Variants in MELTF observed in about 807,000 individuals in gnomAD.
MELTF encodes the protein melanotransferrin.
Under a neutral mutation model 83.7 loss-of-function variants are expected in MELTF, and 67 were observed. That is an observed-to-expected ratio of 0.80 (90% CI 0.66 to 0.98). MELTF has a LOEUF of 0.98. MELTF is among the 50% of genes least tolerant of loss of function. The probability of loss-of-function intolerance (pLI) is 0.00; values close to 1 mark genes in which losing one functional copy is unlikely to be tolerated. For missense variants in MELTF, 1,002 were observed against 1,035.6 expected (o/e 0.97, Z 0.44); for synonymous variants, 462 against 447.6 (o/e 1.03, Z -0.41).
rs1719412359 is a variant in MELTF at position 197,017,183 on chromosome 3, C to G, written c.820G>C (p.Ala274Pro). 1.2e-6 allele frequency: 2 copies of G among 1,607,810 alleles called. No homozygotes were observed. The highest frequency in any genetic ancestry group is 1.7e-6 in the Non-Finnish European group (2 of 1,178,158). Residue 274 changes from alanine (A) to proline (P), a missense_variant, in exon 7 of 16, where the codon GCC (alanine) becomes CCC (proline). Ala to Pro is a conservative substitution (Grantham distance 27). Coordinates refer to ENST00000296350, the MANE Select transcript of MELTF (RefSeq NM_005929.6). ...ACCACGGCGTGAGCAGGCACCCGGG[C>G]CAGATGGCACTGCCTCCACTCGGTG... ...DVTEWRQCHL[A>P]RVPAHAVVVR...
At chr3:197,021,769 G>A (rs1046318136) in intron 5 of MELTF, among the ~76,000 whole-genome samples, 3 of 152,232 alleles carry the variant, frequency 2.0e-5, no homozygotes, top group African/African-American at 4.8e-5. Flanking sequence ...GCTCAGGCCT[G>A]TAGGGAGCAG....
At chr3:197,021,622 G>C (rs1560221173) in intron 5 of MELTF, 151 bp from the exon 6 acceptor site, 2 of 692,780 alleles carry the variant, frequency 2.9e-6, no homozygotes, top group African/African-American at 1.8e-5. Context: ...CTGGCTGGTC[G>C]GCTGTGTGCC....
rs1360118460 is a variant in MELTF, at chr3:197,024,160, G to A, written c.487+143C>T. The A allele has an allele frequency of 4.6e-5, 39 of 856,052 alleles. No homozygotes were observed. In the Admixed American group the frequency reaches 8.1e-4, roughly 18 times the overall value. The allele number at this position is 856,052 out of a possible 1,614,324, so 53.0% of individuals were successfully genotyped here. A position where few individuals can be genotyped will look rare whatever the true frequency, so the allele number is the denominator to read the frequency against. On this transcript the variant is annotated intron_variant, in intron 4 of 15. Transcript: ENST00000296350. The surrounding 1 kb of genome is among the most constrained non-coding windows in gnomAD (Gnocchi z 5.3). ...GGCAGAGTGGAGGCGGGGGAGGCAC[G>A]GGGCGGGCGGGGGCTGCTGCGCCTT...
chr3:197,021,304 C>T, intron 6 of MELTF, 100 bp downstream of exon 6: 3 of 1,121,604 alleles, frequency 2.7e-6, no homozygotes, highest in South Asian at 1.3e-5. Flanking sequence ...CAGCACTGCA[C>T]TAGGGCGTTT....
chr3:197,019,213 G>T, intron 6 of MELTF: 1 of 1,002,160 alleles, frequency 1.0e-6, no homozygotes, highest in Non-Finnish European at 1.2e-6. Context: ...CTGTTTTTCG[G>T]CGGCTGCAAA....
rs371239828 is a variant in MELTF at position 197,008,802 on chromosome 3, C to T, written c.1682+7G>A. The T allele has an allele frequency of 1.1e-5, 18 of 1,613,898 alleles. No individual in the cohort carries two copies. The highest frequency in any genetic ancestry group is 3.3e-5 in the South Asian group (3 of 91,070). On this transcript the variant is annotated splice_region_variant and intron_variant, in intron 12 of 15. Transcript: ENST00000296350. The surrounding 1 kb of genome is among the most constrained non-coding windows in gnomAD (Gnocchi z 5.4). ...CACAGCCCCAGACTGCCAGGCCACC[C>T]GGGTACCTGAAGGCGCCGCGGTAGC...
chr3:197,010,132 G>A (rs1265454569), intron 10 of MELTF, among the ~76,000 whole-genome samples: 1 of 152,240 alleles, frequency 6.6e-6, no homozygotes, highest in Non-Finnish European at 1.5e-5. Context: ...GGAAAGTGGA[G>A]GCGCAGCTGA....
At position 197,015,429 on chromosome 3, in the gene MELTF, C is replaced by A; in HGVS notation, c.1169G>T (p.Arg390Leu). Residue 390 changes from arginine to leucine, a missense_variant, in exon 9 of 16, where the codon CGG (arginine) becomes CTG (leucine). Coordinates refer to ENST00000296350, the MANE Select transcript of MELTF (RefSeq NM_005929.6). ...GDMAVAFRRQ[R>L]LKPEIQCVSA... is the part of the protein sequence containing the mutation. ...CACGCACTGGATCTCTGGCTTGAGC[C>A]GCTGCCGGCGGAAGGCCACGGCCAT... 1 of 1,599,184 alleles carries A rather than the reference C, an allele frequency of 6.3e-7. No homozygotes were observed. The highest frequency in any genetic ancestry group is 1.1e-5 in the South Asian group (1 of 88,426).
Position 197,022,182 on chromosome 3 carries a change from C to T in MELTF, c.645-711G>A, listed in dbSNP as rs1719649387. Among the ~76,000 whole-genome samples, 1 of 152,126 alleles carries T rather than the reference C, an allele frequency of 6.6e-6. No individual in the cohort carries two copies. Among genetic ancestry groups the T allele is most frequent in the Non-Finnish European group, 1.5e-5 (1 of 68,016 alleles). On this transcript the variant is annotated intron_variant, in intron 5 of 15. Coordinates refer to ENST00000296350, the MANE Select transcript of MELTF (RefSeq NM_005929.6). The surrounding 1 kb of genome is among the most constrained non-coding windows in gnomAD (Gnocchi z 5.1). ...TTGGAGGCAGGTCAGACCTCCTGGG[C>T]AAAGGGTCTGCTTGGGTCCCCACGG...
Position 197,006,677 on chromosome 3 carries a change from G to T in MELTF, c.1810C>A (p.Pro604Thr), listed in dbSNP as rs774887310. 1.3e-6 allele frequency: 2 copies of T among 1,590,874 alleles called. No individual in the cohort carries two copies. Among genetic ancestry groups the T allele is most frequent in the African/African-American group, 2.7e-5 (2 of 74,456 alleles). Residue 604 changes from proline to threonine, a missense_variant, in exon 14 of 16, where the codon CCC becomes ACC. By Grantham distance (38) the Pro-to-Thr change is conservative. Transcript: ENST00000296350. The surrounding 1 kb of genome is among the most constrained non-coding windows in gnomAD (Gnocchi z 5.4). ...GACACCTCGGCTCGGGCCCCGTTGGGGCACAGCAGTTCATAGTCCTCTGAC... is the reference window on the plus strand; with the variant it reads ...GACACCTCGGCTCGGGCCCCGTTGGTGCACAGCAGTTCATAGTCCTCTGAC... Reference protein sequence around the residue: ...LRSEDYELLCPNGARAEVSQF... With the variant: ...LRSEDYELLCTNGARAEVSQF...
chr3:197,020,681 T>G (rs757335938), intron 6 of MELTF, among the ~76,000 whole-genome samples: 1 of 152,046 alleles, frequency 6.6e-6, no homozygotes, highest in Admixed American at 6.5e-5. Flanking sequence ...TTTTTGTTGT[T>G]GTTTTTTAGA....
At chr3:197,012,756 A>C (rs1719234005) in intron 9 of MELTF, among the ~76,000 whole-genome samples, 1 of 152,264 alleles carries the variant, frequency 6.6e-6, no homozygotes, top group Admixed American at 6.5e-5. Context: ...AGAACCAGGA[A>C]AGAGCTGAAC....
In MELTF at chr3:197,024,390, T is replaced by C. The variant is rs745350752; in HGVS notation, c.400A>G (p.Ile134Val). The change falls in exon 4 of 16, where the codon ATC (isoleucine) becomes GTC (valine). Residue 134 changes from isoleucine to valine, a missense_variant. Transcript: ENST00000296350. This position sits in a 1 kb window ranked among gnomAD's most constrained non-coding sequence, Gnocchi z 5.3. Reference sequence around the variant, plus strand: ...ACGTTCCAGCCCACTGTGCGATTGATGCCCGTGTGGCAGGACTTCACGCCT... The same window carrying C: ...ACGTTCCAGCCCACTGTGCGATTGACGCCCGTGTGGCAGGACTTCACGCCT... ...LKGVKSCHTG[I>V]NRTVGWNVPV... 6.2e-6 allele frequency: 10 copies of C among 1,610,786 alleles called. No individual in the cohort carries two copies. In the African/African-American group the frequency reaches 1.3e-4, roughly 22 times the overall value.
In MELTF at chr3:197,024,373, GC is replaced by G; in HGVS notation, c.416del (p.Gly139AlafsTer17). ...SCHTGINRTV[G>X]WNVPVGYLVE... Reference sequence around the variant, plus strand: ...CCAGGTAGCCCACGGGCACGTTCCAGCCCACTGTGCGATTGATGCCCGTGTG... The same window carrying G: ...CCAGGTAGCCCACGGGCACGTTCCAGCCACTGTGCGATTGATGCCCGTGTG... On this transcript the variant is annotated frameshift_variant, in exon 4 of 16. Coordinates refer to ENST00000296350, the MANE Select transcript of MELTF (RefSeq NM_005929.6). LOFTEE classifies it high-confidence loss of function. This position sits in a 1 kb window ranked among gnomAD's most constrained non-coding sequence, Gnocchi z 5.3. 6.2e-7 allele frequency: 1 copy of G among 1,609,038 alleles called. No individual in the cohort carries two copies.
intron 6 of MELTF, among the ~76,000 whole-genome samples, chr3:197,018,217 G>T (rs142232679): frequency 0.032 from 4,841 of 152,036 alleles, 215 homozygotes; most frequent in African/African-American, 0.081. Flanking sequence ...GCACGATCTC[G>T]GCTCACTGCA....
intron 9 of MELTF, among the ~76,000 whole-genome samples, chr3:197,013,315 C>T (rs573494819): frequency 1.3e-5 from 2 of 152,242 alleles, no homozygotes; most frequent in South Asian, 4.1e-4. Flanking sequence ...AGCTGAATGT[C>T]CAAGTGCAGA....
chr3:197,015,970 C>T lies in MELTF; in HGVS notation c.1081+219G>A, dbSNP rs191593964. Among the ~76,000 whole-genome samples the T allele has an allele frequency of 2.1e-3, 322 of 152,266 alleles. 2 individuals are homozygous for T. Among genetic ancestry groups the T allele is most frequent in the Middle Eastern group, 6.8e-3 (2 of 294 alleles). ...GACAGATTCTGATGGTCTGCATCCT[C>T]CCCCGCTGCGGCCAGGTGGGGCTTC... On this transcript the variant is annotated intron_variant, in intron 8 of 15. Transcript: ENST00000296350.
intron 2 of MELTF, 96 bp downstream of exon 2, chr3:197,027,660 G>A (rs1719911678): frequency 7.1e-7 from 1 of 1,411,678 alleles, no homozygotes; most frequent in East Asian, 2.5e-5. Context: ...GCCTGGCAGG[G>A]CGAGGTCGGC....
Position 197,016,209 on chromosome 3 carries a change from C to A in MELTF, c.1061G>T (p.Gly354Val), listed in dbSNP as rs368452055. 7 of 1,578,442 alleles carry A rather than the reference C, an allele frequency of 4.4e-6. No individual in the cohort carries two copies. The highest frequency in any genetic ancestry group is 2.3e-5 in the East Asian group (1 of 43,334). The change falls in exon 8 of 16, where the codon GGT (glycine) becomes GTT (valine). Residue 354 changes from glycine (G) to valine (V), a missense_variant. Coordinates refer to ENST00000296350, the MANE Select transcript of MELTF (RefSeq NM_005929.6). ...CTTACGGTTGGGGTCACAGAGCAGA[C>A]CCTTCATGGCGTGCAGGTACTCATG... ...LGHEYLHAMK[G>V]LLCDPNRLPP...
Sources: gnomAD v4.1 joint callset for allele counts (sites outside exome capture counted in the v4.1 genomes callset) on GRCh38, gnomAD v4.1.1 for gene constraint, Gnocchi (gnomAD v3.1) non-coding constraint, MANE v1.5 for transcripts, NCBI Gene and HGNC (gene_info 2026-07-23, HGNC 2026-07-21) for gene names.